PPP2R5E: variants seen among roughly 807,000 people sequenced by gnomAD.
PPP2R5E encodes serine/threonine-protein phosphatase 2A 56 kDa regulatory subunit epsilon isoform.
PPP2R5E carries 4 observed loss-of-function variants against 65.3 expected under a neutral mutation model. The ratio of observed to expected loss-of-function variants is 0.06; its 90% CI spans 0.03 to 0.14. The LOEUF is 0.14. Ranked by LOEUF, PPP2R5E falls within the 10% of genes least tolerant of loss-of-function variation. The pLI, the probability that PPP2R5E is intolerant of heterozygous loss-of-function variation, is 1.00. For missense variants in PPP2R5E, 274 were observed against 556.1 expected, an observed-to-expected ratio of 0.49 and a Z score of 5.10; for synonymous variants, 183 against 187.4, an observed-to-expected ratio of 0.98 and a Z score of 0.19.
chr14:63,498,208 A>G (rs1891677167), intron 2 of PPP2R5E, among the ~76,000 whole-genome samples: 1 of 152,190 alleles, frequency 6.6e-6, no homozygotes, highest in African/African-American at 2.4e-5. Flanking sequence ...TTAAGGTCCT[A>G]AAGACAAACA....
chr14:63,438,411 T>C (rs1222362764), intron 3 of PPP2R5E, among the ~76,000 whole-genome samples: 2 of 152,254 alleles, frequency 1.3e-5, no homozygotes, highest in Non-Finnish European at 2.9e-5. Flanking sequence ...GTCATCCATG[T>C]GCTTAATAGA....
intron 13 of PPP2R5E, among the ~76,000 whole-genome samples, chr14:63,381,056 T>C (rs1440143635): frequency 6.6e-6 from 1 of 152,174 alleles, no homozygotes; most frequent in Non-Finnish European, 1.5e-5. Context: ...GACATCTGCT[T>C]ATGGATGATC....
chr14:63,391,327 C>T (rs1399324808), intron 10 of PPP2R5E, among the ~76,000 whole-genome samples: 1 of 152,226 alleles, frequency 6.6e-6, no homozygotes, highest in Non-Finnish European at 1.5e-5. Context: ...AGTTTCATAA[C>T]TAGTAAAACA....
chr14:63,408,073 C>G, intron 5 of PPP2R5E, among the ~76,000 whole-genome samples: 1 of 152,286 alleles, frequency 6.6e-6, no homozygotes, highest in East Asian at 1.9e-4. Context: ...AAAAATTATA[C>G]TGTTCTATAA....
intron 2 of PPP2R5E, among the ~76,000 whole-genome samples, chr14:63,520,136 C>T (rs1200645593): frequency 2.0e-5 from 3 of 151,816 alleles, no homozygotes; most frequent in African/African-American, 4.8e-5. Flanking sequence ...CCCGGGTTCA[C>T]GCCATTCTCC....
chr14:63,518,413 T>C (rs111769273), intron 2 of PPP2R5E, among the ~76,000 whole-genome samples: 1,811 of 152,088 alleles, frequency 0.012, 30 homozygotes, highest in African/African-American at 0.042. Context: ...GGCTAATTTT[T>C]TTTTTCTTCT....
At chr14:63,462,078 T>TTTTTC (rs1889506552) in intron 2 of PPP2R5E, among the ~76,000 whole-genome samples, 1 of 151,864 alleles carries the variant, frequency 6.6e-6, no homozygotes, top group African/African-American at 2.4e-5. Context: ...ACTGTATTTT[T>TTTTTC]TTTTTTTTTT....
In PPP2R5E at chr14:63,394,662, A is replaced by G. The variant is rs192080353; in HGVS notation, c.740+564T>C. On this transcript the variant is annotated intron_variant, in intron 7 of 13. Coordinates refer to ENST00000337537, the MANE Select transcript of PPP2R5E (RefSeq NM_006246.5). Reference sequence around the variant, plus strand: ...TGCCCAGCCTAGGGAAATCACTGAGAGAAAGCCATGTGACTCCACCTTCTT... The same window carrying G: ...TGCCCAGCCTAGGGAAATCACTGAGGGAAAGCCATGTGACTCCACCTTCTT... 2.0e-5 allele frequency among the ~76,000 whole-genome samples: 3 copies of G among 152,314 alleles called. No homozygotes were observed. In the East Asian group the frequency reaches 5.8e-4, roughly 29 times the overall value.
intron 2 of PPP2R5E, among the ~76,000 whole-genome samples, chr14:63,505,787 G>A (rs1266391473): frequency 6.6e-6 from 1 of 152,138 alleles, no homozygotes; most frequent in Non-Finnish European, 1.5e-5. Flanking sequence ...ACCCACACCA[G>A]AAACTCAGTT....
intron 13 of PPP2R5E, among the ~76,000 whole-genome samples, chr14:63,378,341 T>C (rs988228917): frequency 6.6e-6 from 1 of 152,178 alleles, no homozygotes; most frequent in Non-Finnish European, 1.5e-5. Flanking sequence ...AACTTTCTTG[T>C]GAAAAATCAG....
rs1479982307 is a variant in PPP2R5E at position 63,521,940 on chromosome 14, C to G, written c.157+17589G>C. On this transcript the variant is annotated intron_variant, in intron 2 of 13. Transcript: ENST00000337537. ...TGAAGTTACAAAGGTTACACGCTGC[C>G]CTCCCCCTCCCCCTCCCCCTCCCCC... Among the ~76,000 whole-genome samples the G allele has an allele frequency of 1.1e-4, 12 of 112,416 alleles. No individual in the cohort carries two copies. The South Asian group carries it at 3.9e-3, about 37-fold the overall frequency. The allele number at this position is 112,416 out of a possible 152,430, so 73.7% of individuals were successfully genotyped here.
At chr14:63,513,523 AT>A (rs1218967729) in intron 2 of PPP2R5E, among the ~76,000 whole-genome samples, 1 of 152,238 alleles carries the variant, frequency 6.6e-6, no homozygotes, top group East Asian at 1.9e-4. Context: ...GGATAAAAAC[AT>A]GGAGAACCTA....
In PPP2R5E at chr14:63,542,990, C is replaced by A. The variant is rs1016845670; in HGVS notation, c.-219G>T. 4.6e-5 allele frequency: 7 copies of A among 152,900 alleles called. No individual in the cohort carries two copies. Among genetic ancestry groups the A allele is most frequent in the Non-Finnish European group, 7.3e-5 (5 of 68,630 alleles). The allele number at this position is 152,900 out of a possible 1,614,324, so 9.5% of individuals were successfully genotyped here. On this transcript the variant is annotated 5_prime_UTR_variant, in exon 1 of 14. Coordinates refer to ENST00000337537, the MANE Select transcript of PPP2R5E (RefSeq NM_006246.5). ...TCTAGGCCTCACGGCCGGACCCGAACCTCAGCGTTCCGGTGGCGGCGGCGG... is the reference window on the plus strand; with the variant it reads ...TCTAGGCCTCACGGCCGGACCCGAAACTCAGCGTTCCGGTGGCGGCGGCGG...
chr14:63,503,275 C>T (rs538797969), intron 2 of PPP2R5E, among the ~76,000 whole-genome samples: 90 of 151,948 alleles, frequency 5.9e-4, no homozygotes, highest in Non-Finnish European at 1.1e-3. Context: ...AGACAGAAGA[C>T]GAATTTCCAT....
intron 5 of PPP2R5E, among the ~76,000 whole-genome samples, chr14:63,403,572 T>C (rs1885887238): frequency 6.6e-6 from 1 of 150,626 alleles, no homozygotes; most frequent in Admixed American, 6.6e-5. Context: ...CTGGGATGAC[T>C]GTGTGGATGG....
At position 63,440,880 on chromosome 14, in the gene PPP2R5E, C is replaced by T. The variant is rs112899753; in HGVS notation, c.354+12809G>A. Among the ~76,000 whole-genome samples, 725 of 142,008 alleles carry T rather than the reference C, an allele frequency of 5.1e-3. 4 individuals are homozygous for T. The highest frequency in any genetic ancestry group is 6.8e-3 in the Non-Finnish European group (455 of 66,852). The allele number at this position is 142,008 out of a possible 152,430, so 93.2% of individuals were successfully genotyped here. A position where few individuals can be genotyped will look rare whatever the true frequency, so the allele number is the denominator to read the frequency against. On this transcript the variant is annotated intron_variant, in intron 3 of 13. Coordinates refer to ENST00000337537, the MANE Select transcript of PPP2R5E (RefSeq NM_006246.5). ...AGGAGAATGGCGTGAGCCCGGGAGGCGGAGCTTGCAGTGAGCCGAGATCGC... is the reference window on the plus strand; with the variant it reads ...AGGAGAATGGCGTGAGCCCGGGAGGTGGAGCTTGCAGTGAGCCGAGATCGC...
chr14:63,392,685 C>T (rs942176392), intron 8 of PPP2R5E, among the ~76,000 whole-genome samples: 3 of 152,184 alleles, frequency 2.0e-5, no homozygotes, highest in African/African-American at 4.8e-5. Context: ...AAACCACCCT[C>T]GCAAAAGAAC....
At chr14:63,523,488 G>C (rs943737345) in intron 2 of PPP2R5E, among the ~76,000 whole-genome samples, 1 of 152,022 alleles carries the variant, frequency 6.6e-6, no homozygotes, top group African/African-American at 2.4e-5. Context: ...GATGTGCTTT[G>C]TTAAACAGAT....
chr14:63,401,912 A>G lies in PPP2R5E; in HGVS notation c.550-5196T>C, dbSNP rs1479446093. On this transcript the variant is annotated intron_variant, in intron 5 of 13. Coordinates refer to ENST00000337537, the MANE Select transcript of PPP2R5E (RefSeq NM_006246.5). ...GGCTTAAAAACTAAAGGCACCAGATATATTTGATGGTAAGGGTGTGAGAAA... is the reference window on the plus strand; with the variant it reads ...GGCTTAAAAACTAAAGGCACCAGATGTATTTGATGGTAAGGGTGTGAGAAA... Among the ~76,000 whole-genome samples the G allele has an allele frequency of 3.9e-5, 6 of 152,186 alleles. No homozygotes were observed. The South Asian group carries it at 1.0e-3, about 26-fold the overall frequency.
Sources: allele counts gnomAD v4.1 joint callset (sites outside exome capture counted in the v4.1 genomes callset), GRCh38; gene constraint gnomAD v4.1.1; transcripts MANE v1.5; gene names NCBI Gene and HGNC (gene_info 2026-07-23, HGNC 2026-07-21).